APBA1: variants seen among roughly 807,000 people sequenced by gnomAD.
APBA1 encodes amyloid-beta A4 precursor protein-binding family A member 1.
A neutral mutation model predicts 86.6 loss-of-function variants in APBA1; 55 were observed. The observed-to-expected ratio is 0.64, with a 90% CI of 0.51 to 0.80. APBA1 has a LOEUF of 0.80. APBA1 is among the 30% of genes least tolerant of loss of function. The probability of loss-of-function intolerance (pLI) is 0.00; values close to 1 mark genes in which losing one functional copy is unlikely to be tolerated. For missense variants in APBA1, 1,090 were observed against 1,183.0 expected (o/e 0.92, Z 1.15); for synonymous variants, 511 against 493.9 (o/e 1.03, Z -0.46).
chr9:69,512,252 C>G (rs1588331358), intron 2 of APBA1, among the ~76,000 whole-genome samples: 3 of 151,868 alleles, frequency 2.0e-5, no homozygotes, highest in African/African-American at 7.3e-5. Flanking sequence ...GTTTAGAACA[C>G]AGTTATTTTC....
rs568889282 is a variant in APBA1, at chr9:69,506,355, C to T, written c.1200+9656G>A. ...ACTCCCACCCGAATATTGCGCTTTT[C>T]GGACCGGCTTAAAAAACCGCGCACC... On this transcript the variant is annotated intron_variant, in intron 2 of 12. Transcript: ENST00000265381. Among the ~76,000 whole-genome samples the T allele has an allele frequency of 1.5e-3, 217 of 142,852 alleles. 3 individuals are homozygous for T. Among genetic ancestry groups the T allele is most frequent in the African/African-American group, 5.2e-3 (199 of 38,014 alleles). The allele number at this position is 142,852 out of a possible 152,430, so 93.7% of individuals were successfully genotyped here. A position where few individuals can be genotyped will look rare whatever the true frequency, so the allele number is the denominator to read the frequency against.
At chr9:69,623,203 G>T (rs368820839) in intron 1 of APBA1, among the ~76,000 whole-genome samples, 114 of 152,230 alleles carry the variant, frequency 7.5e-4, no homozygotes, top group African/African-American at 2.0e-3. Context: ...GGGGGAGAGT[G>T]CTGGGAGTCT....
intron 1 of APBA1, among the ~76,000 whole-genome samples, chr9:69,654,060 C>T (rs372927515): frequency 1.4e-5 from 2 of 142,482 alleles, no homozygotes; most frequent in African/African-American, 5.3e-5. Context: ...TGCGGTGAGC[C>T]GAGATCACAC....
At position 69,540,160 on chromosome 9, in the gene APBA1, A is replaced by ACAACAAC. The variant is rs1564071251; in HGVS notation, c.-69-22882_-69-22881insGTTGTTG. On this transcript the variant is annotated intron_variant, in intron 1 of 12. Transcript: ENST00000265381. Reference sequence around the variant, plus strand: ...CAACAACAACAACAACAACAACAAAAGTCACCTTATAAGACATGCTCCCTG... The same window carrying ACAACAAC: ...CAACAACAACAACAACAACAACAAAACAACAACGTCACCTTATAAGACATGCTCCCTG... 1.3e-3 allele frequency among the ~76,000 whole-genome samples: 194 copies of ACAACAAC among 152,092 alleles called. 1 individual carries two copies. The highest frequency in any genetic ancestry group is 4.6e-3 in the African/African-American group (191 of 41,428).
At chr9:69,561,890 G>A (rs752379372) in intron 1 of APBA1, among the ~76,000 whole-genome samples, 1 of 152,134 alleles carries the variant, frequency 6.6e-6, no homozygotes, top group Non-Finnish European at 1.5e-5. Flanking sequence ...GTTTCCCAAA[G>A]TACTGGGATT....
chr9:69,452,015 G>A (rs920222120), intron 9 of APBA1, 107 bp downstream of exon 9: 22 of 1,044,316 alleles, frequency 2.1e-5, no homozygotes, highest in South Asian at 4.4e-5. Flanking sequence ...TGCCAATACG[G>A]CACTCCTCAC....
chr9:69,505,666 C>T (rs1835947390), intron 2 of APBA1, among the ~76,000 whole-genome samples: 1 of 152,110 alleles, frequency 6.6e-6, no homozygotes, highest in Non-Finnish European at 1.5e-5. Flanking sequence ...TCTACTGTGA[C>T]TCTGTTCTCG....
At chr9:69,647,379 C>G (rs892192679) in intron 1 of APBA1, among the ~76,000 whole-genome samples, 1 of 152,172 alleles carries the variant, frequency 6.6e-6, no homozygotes, top group Non-Finnish European at 1.5e-5. Context: ...GTATCTAAGT[C>G]TCAGAAGTCA....
chr9:69,516,979 A>G lies in APBA1; in HGVS notation c.232T>C (p.Ser78Pro). The G allele has an allele frequency of 6.3e-7, 1 of 1,588,276 alleles. No homozygotes were observed. ...TGGAAGCCGCTCTCCGTGCTGGCTG[A>G]GCGCGCCAGGCATTCCCCGCGCTCC... ...EEERGECLARSASTESGFHNH... is the reference protein window; with the variant it reads ...EEERGECLARPASTESGFHNH... Residue 78 changes from serine to proline, a missense_variant, in exon 2 of 13, where the codon TCA becomes CCA. Physicochemically the swap from Ser to Pro is moderately conservative, Grantham distance 74 (BLOSUM62 -1). Coordinates refer to ENST00000265381, the MANE Select transcript of APBA1 (RefSeq NM_001163.4). The surrounding 1 kb of genome is among the most constrained non-coding windows in gnomAD (Gnocchi z 7.3).
At chr9:69,547,240 T>C (rs747781781) in intron 1 of APBA1, among the ~76,000 whole-genome samples, 5 of 152,208 alleles carry the variant, frequency 3.3e-5, no homozygotes, top group Non-Finnish European at 7.3e-5. Flanking sequence ...TTTACAATAC[T>C]GTTACGGAAC....
intron 2 of APBA1, among the ~76,000 whole-genome samples, chr9:69,476,828 G>A (rs922860484): frequency 6.6e-6 from 1 of 152,226 alleles, no homozygotes; most frequent in African/African-American, 2.4e-5. Flanking sequence ...CTGGTTGGGT[G>A]TGGTATTGCC....
chr9:69,465,083 A>AT (rs1835254649), intron 5 of APBA1: 1 of 152,284 alleles, frequency 6.6e-6, no homozygotes, highest in Admixed American at 6.5e-5. Context: ...GCATTCCTTG[A>AT]TAGGGGCTCT....
chr9:69,547,674 A>C (rs1836719803), intron 1 of APBA1, among the ~76,000 whole-genome samples: 1 of 152,242 alleles, frequency 6.6e-6, no homozygotes, highest in African/African-American at 2.4e-5. Context: ...GTCCATTTTT[A>C]AGATAGTTTA....
intron 1 of APBA1, among the ~76,000 whole-genome samples, chr9:69,666,504 C>T (rs1823842944): frequency 6.6e-6 from 1 of 152,022 alleles, no homozygotes; most frequent in Non-Finnish European, 1.5e-5. Context: ...TCTCCTTCCA[C>T]TAAAAGTTCT....
Position 69,516,742 on chromosome 9 carries a change from G to T in APBA1, c.469C>A (p.His157Asn). The T allele has an allele frequency of 6.2e-7, 1 of 1,612,036 alleles. No homozygotes were observed. The highest frequency in any genetic ancestry group is 8.5e-7 in the Non-Finnish European group (1 of 1,179,448). Residue 157 changes from histidine (H) to asparagine (N), a missense_variant, in exon 2 of 13, where the codon CAC becomes AAC. Physicochemically the swap from His to Asn is moderately conservative, Grantham distance 68 (BLOSUM62 1). Coordinates refer to ENST00000265381, the MANE Select transcript of APBA1 (RefSeq NM_001163.4). The surrounding 1 kb of genome is among the most constrained non-coding windows in gnomAD (Gnocchi z 7.3). Reference protein sequence around the residue: ...PNHLHFHSLEHEEAMNAAYSG... With the variant: ...PNHLHFHSLENEEAMNAAYSG... ...TAGGCCGCATTCATGGCTTCCTCGT[G>T]CTCCAGCGAGTGGAAGTGCAGGTGG...
At chr9:69,449,013 T>C (rs1350649434) in intron 10 of APBA1, among the ~76,000 whole-genome samples, 1 of 152,218 alleles carries the variant, frequency 6.6e-6, no homozygotes, top group Admixed American at 6.5e-5. Context: ...GCAGGAAGTA[T>C]GCTCAGGTAT....
chr9:69,498,509 C>T (rs1377700271), intron 2 of APBA1, among the ~76,000 whole-genome samples: 14 of 152,090 alleles, frequency 9.2e-5, no homozygotes, highest in Admixed American at 9.2e-4. Flanking sequence ...AATAAGGATT[C>T]AGATGAAAGG....
rs746663147 is a variant in APBA1, at chr9:69,593,057, T to G, written c.-69-75778A>C. On this transcript the variant is annotated intron_variant, in intron 1 of 12. Coordinates refer to ENST00000265381, the MANE Select transcript of APBA1 (RefSeq NM_001163.4). ...AGAAACTTGCTAGTCATTCAAATAC[T>G]GCAGAGTAATTATCACTGTTAGAAG... is the stretch of plus-strand genomic sequence containing the variant. 4.6e-5 allele frequency among the ~76,000 whole-genome samples: 7 copies of G among 152,366 alleles called. 1 individual carries two copies. The South Asian group carries it at 1.2e-3, about 27-fold the overall frequency.
intron 1 of APBA1, among the ~76,000 whole-genome samples, chr9:69,642,830 G>T (rs1423407380): frequency 4.0e-5 from 6 of 151,872 alleles, no homozygotes; most frequent in Admixed American, 6.6e-5. Flanking sequence ...TGAACAAGAA[G>T]GAATTCTCCC....
Sources: gnomAD v4.1 joint callset for allele counts (sites outside exome capture counted in the v4.1 genomes callset) on GRCh38, gnomAD v4.1.1 for gene constraint, Gnocchi (gnomAD v3.1) non-coding constraint, MANE v1.5 for transcripts, NCBI Gene and HGNC (gene_info 2026-07-23, HGNC 2026-07-21) for gene names.